Variants in USH1C observed in about 807,000 individuals in gnomAD.
The protein encoded by USH1C is harmonin.
Under a neutral mutation model 119.3 loss-of-function variants are expected in USH1C, and 90 were observed. The ratio of observed to expected loss-of-function variants is 0.75; its 90% CI spans 0.64 to 0.90. The LOEUF (loss-of-function observed/expected upper bound fraction) is 0.90. USH1C is among the 40% of genes least tolerant of loss of function. USH1C has a pLI of 0.00. For missense variants in USH1C, 1,165 were observed against 1,167.7 expected, an observed-to-expected ratio of 1.00 and a Z score of 0.03; for synonymous variants, 465 against 443.3, an observed-to-expected ratio of 1.05 and a Z score of -0.62.
At chr11:17,507,379 GAACT>G (rs1849693479) in intron 18 of USH1C, among the ~76,000 whole-genome samples, 1 of 152,174 alleles carries the variant, frequency 6.6e-6, no homozygotes, top group Admixed American at 6.5e-5. Flanking sequence ...CTCTGATCAG[GAACT>G]AACAGTGGGA....
chr11:17,500,750 G>A (rs567342162), intron 23 of USH1C, among the ~76,000 whole-genome samples: 3 of 152,214 alleles, frequency 2.0e-5, no homozygotes, highest in South Asian at 2.1e-4. Flanking sequence ...TGAGTTCCCC[G>A]TCAGCCCTTA....
chr11:17,500,843 G>A (rs546549117), intron 23 of USH1C, among the ~76,000 whole-genome samples: 2 of 152,320 alleles, frequency 1.3e-5, no homozygotes, highest in South Asian at 4.1e-4. Flanking sequence ...GGGCACGGTG[G>A]CATCTGGCTT....
At chr11:17,533,381 C>T in intron 1 of USH1C, 59 bp from the exon 2 acceptor site, 1 of 1,291,768 alleles carries the variant, frequency 7.7e-7, no homozygotes. Context: ...CCATAGCAGA[C>T]CTCAGGGAGG....
At chr11:17,509,107 T>C (rs1309847912) in intron 18 of USH1C, among the ~76,000 whole-genome samples, 1 of 152,168 alleles carries the variant, frequency 6.6e-6, no homozygotes, top group Non-Finnish European at 1.5e-5. Context: ...GAATATCAAA[T>C]GGACACACCG....
chr11:17,515,274 T>A (rs1186031048), intron 15 of USH1C, among the ~76,000 whole-genome samples: 1 of 152,232 alleles, frequency 6.6e-6, no homozygotes, highest in African/African-American at 2.4e-5. Context: ...TCCAAGTTTA[T>A]TCAATGCTAT....
chr11:17,497,925 GTC>G (rs1419791541), intron 24 of USH1C, among the ~76,000 whole-genome samples: 1 of 152,224 alleles, frequency 6.6e-6, no homozygotes, highest in Non-Finnish European at 1.5e-5. Context: ...GGCTTCAAGA[GTC>G]TGTTTAAGCC....
At chr11:17,538,854 T>A (rs749551310) in intron 1 of USH1C, among the ~76,000 whole-genome samples, 1 of 152,304 alleles carries the variant, frequency 6.6e-6, no homozygotes, top group South Asian at 2.1e-4. Context: ...AGGCTGCAGC[T>A]GCTGTCTGGG....
chr11:17,520,146 G>A (rs907749019), intron 14 of USH1C, among the ~76,000 whole-genome samples: 1 of 152,214 alleles, frequency 6.6e-6, no homozygotes, highest in African/African-American at 2.4e-5. Flanking sequence ...TCCTCTGGCA[G>A]TGTGGGCTGC....
Position 17,544,280 on chromosome 11 carries a change from G to A in USH1C, c.28C>T (p.Arg10Trp). 3.1e-6 allele frequency: 5 copies of A among 1,614,046 alleles called. No homozygotes were observed. Among genetic ancestry groups the A allele is most frequent in the Non-Finnish European group, 3.4e-6 (4 of 1,179,984 alleles). ...CGCCCTGCAGCTCTGACCTTATGCC[G>A]GAATTCTCGGGCCACTTTTCGGTCC... MDRKVAREF[R>W]HKVDFLIEND... The change falls in exon 1 of 27, where the codon CGG (arginine) becomes TGG (tryptophan). Residue 10 changes from arginine (R) to tryptophan (W), a missense_variant. Arg to Trp is a moderately radical substitution (Grantham distance 101). Coordinates refer to ENST00000005226, the MANE Select transcript of USH1C (RefSeq NM_153676.4).
Position 17,495,628 on chromosome 11 carries a change from G to C in USH1C, c.2596C>G (p.Leu866Val). ...TGCACGGCAGCACGGTCTTCAAGGA[G>C]CTTTCGGACCGGTTGGGGGCTTTCA... is the stretch of plus-strand genomic sequence containing the variant. ...VAESPQPVRK[L>V]LEDRAAVHRH... The change falls in exon 26 of 27, where the codon CTC becomes GTC. Residue 866 changes from leucine to valine, a missense_variant. Leu to Val is a conservative substitution (Grantham distance 32). Transcript: ENST00000005226. 1 of 1,614,248 alleles carries C rather than the reference G, an allele frequency of 6.2e-7. No individual in the cohort carries two copies. Among genetic ancestry groups the C allele is most frequent in the Non-Finnish European group, 8.5e-7 (1 of 1,180,050 alleles).
chr11:17,519,559 C>T (rs1430515340), intron 14 of USH1C, among the ~76,000 whole-genome samples: 1 of 152,202 alleles, frequency 6.6e-6, no homozygotes. Flanking sequence ...CCATGAGAAG[C>T]AATTAAAATC....
chr11:17,533,789 C>A (rs779812542), intron 1 of USH1C: 1 of 457,486 alleles, frequency 2.2e-6, no homozygotes, highest in Admixed American at 2.3e-5. Flanking sequence ...ATAGCACATG[C>A]CACTCTCCAG....
Position 17,504,621 on chromosome 11 carries a change from C to T in USH1C, c.2184+26G>A. The T allele has an allele frequency of 1.2e-6, 2 of 1,613,794 alleles. 1 individual carries two copies. The highest frequency in any genetic ancestry group is 4.5e-5 in the East Asian group (2 of 44,870). On this transcript the variant is annotated intron_variant, in intron 20 of 26. Coordinates refer to ENST00000005226, the MANE Select transcript of USH1C (RefSeq NM_153676.4). ...GGGACGGGGGTGGTGGGGAGACCTCCAGACACACAATGGGTATCAGTTTAC... is the reference window on the plus strand; with the variant it reads ...GGGACGGGGGTGGTGGGGAGACCTCTAGACACACAATGGGTATCAGTTTAC...
At chr11:17,511,843 G>A in intron 16 of USH1C, 59 bp downstream of exon 16, 1 of 1,571,390 alleles carries the variant, frequency 6.4e-7, no homozygotes, top group Non-Finnish European at 8.6e-7. Flanking sequence ...GGGAGCACAT[G>A]GAGAACGACC....
chr11:17,506,038 C>T, intron 18 of USH1C, 89 bp from the exon 19 acceptor site: 1 of 1,589,438 alleles, frequency 6.3e-7, no homozygotes, highest in Non-Finnish European at 8.6e-7. Flanking sequence ...TGCAAATCTA[C>T]ACCCATGCAT....
At chr11:17,498,051 C>T (rs1386631799) in intron 24 of USH1C, 111 bp downstream of exon 24, 22 of 925,218 alleles carry the variant, frequency 2.4e-5, no homozygotes, top group Non-Finnish European at 3.3e-5. Flanking sequence ...GTTGCCTGGA[C>T]TCCAGATGCC....
intron 8 of USH1C, 127 bp from the exon 9 acceptor site, chr11:17,524,662 C>T: frequency 1.9e-6 from 2 of 1,061,976 alleles, no homozygotes; most frequent in South Asian, 1.4e-5. Flanking sequence ...CTGTGTCCCT[C>T]TCCAGCCTGA....
intron 20 of USH1C, 97 bp from the exon 21 acceptor site, chr11:17,502,077 G>C: frequency 7.5e-7 from 1 of 1,325,030 alleles, no homozygotes; most frequent in Admixed American, 1.9e-5. Context: ...CCAAGGGTCA[G>C]AAGTGAGGGG....
intron 14 of USH1C, among the ~76,000 whole-genome samples, chr11:17,518,075 G>A (rs1261350031): frequency 3.3e-5 from 5 of 152,178 alleles, no homozygotes; most frequent in East Asian, 1.9e-4. Flanking sequence ...TCTGGCCTCC[G>A]GCCTCCCTAG....
Sources: allele counts gnomAD v4.1 joint callset (sites outside exome capture counted in the v4.1 genomes callset), GRCh38; gene constraint gnomAD v4.1.1; transcripts MANE v1.5; gene names NCBI Gene and HGNC (gene_info 2026-07-23, HGNC 2026-07-21).